WDR59: variants seen among roughly 807,000 people sequenced by gnomAD.
WDR59 encodes GATOR2 complex protein WDR59.
WDR59 carries 100 observed loss-of-function variants against 131.2 expected under a neutral mutation model. The observed-to-expected ratio is 0.76, with a 90% CI of 0.65 to 0.90. The LOEUF (loss-of-function observed/expected upper bound fraction) is 0.90. Ranked by LOEUF, WDR59 falls within the 40% of genes least tolerant of loss-of-function variation. WDR59 has a pLI of 0.00. For synonymous variants in WDR59, 601 were observed against 466.2 expected (o/e 1.29, Z -3.72); for missense variants, 1,203 against 1,262.2 (o/e 0.95, Z 0.71).
intron 18 of WDR59, among the ~76,000 whole-genome samples, chr16:74,896,246 T>C (rs946460480): frequency 2.0e-5 from 3 of 152,208 alleles, no homozygotes; most frequent in African/African-American, 7.2e-5. Flanking sequence ...ACTTAAACAA[T>C]TGAGCAATTC....
chr16:74,938,116 C>T lies in WDR59; in HGVS notation c.651+34G>A, dbSNP rs761884666. ...ATACATCCCTGATGCCACCCAAACA[C>T]TGCTCCTCCAACTTCCCCATGGGTG... On this transcript the variant is annotated intron_variant, in intron 8 of 25. Transcript: ENST00000262144. 5 of 1,415,670 alleles carry T rather than the reference C, an allele frequency of 3.5e-6. No individual in the cohort carries two copies. The South Asian group carries it at 7.4e-5, about 21-fold the overall frequency. 87.7% of individuals were successfully genotyped at this position (1,415,670 alleles called of 1,614,324 possible). A position where few individuals can be genotyped will look rare whatever the true frequency, so the allele number is the denominator to read the frequency against.
chr16:74,953,488 A>C (rs2033120304), intron 3 of WDR59, among the ~76,000 whole-genome samples: 1 of 151,846 alleles, frequency 6.6e-6, no homozygotes, highest in South Asian at 2.1e-4. Context: ...AAAAAAAAAA[A>C]AGTTGCCTTC....
intron 24 of WDR59, 77 bp from the exon 25 acceptor site, chr16:74,885,872 C>A: frequency 6.5e-7 from 1 of 1,541,546 alleles, no homozygotes; most frequent in South Asian, 1.3e-5. Flanking sequence ...ACTTAATATA[C>A]CCTTCTTAAA....
At chr16:74,963,634 G>A (rs999981236) in intron 2 of WDR59, among the ~76,000 whole-genome samples, 4 of 152,178 alleles carry the variant, frequency 2.6e-5, no homozygotes, top group African/African-American at 7.2e-5. Context: ...GCTAATGCAT[G>A]TGGGGCTTAA....
chr16:74,902,105 G>T (rs1406684894), intron 18 of WDR59, among the ~76,000 whole-genome samples: 4 of 152,158 alleles, frequency 2.6e-5, no homozygotes, highest in African/African-American at 4.8e-5. Flanking sequence ...CTTGACCTGT[G>T]TGATTATTAA....
rs1311956352 is a variant in WDR59, at chr16:74,874,346, C to A, written c.2788G>T (p.Ala930Ser). The A allele has an allele frequency of 6.2e-7, 1 of 1,614,162 alleles. No homozygotes were observed. ...CAGAAATTGGACGATCCCCGCACAG[C>A]CACGTGACAGATGGCACACTGGAAC... The part of the protein sequence containing the change: ...FTFQCAICHV[A>S]VRGSSNFCLT... The change falls in exon 26 of 26, where the codon GCT becomes TCT. Residue 930 changes from alanine to serine, a missense_variant. Ala to Ser is a moderately conservative substitution (Grantham distance 99). Coordinates refer to ENST00000262144, the MANE Select transcript of WDR59 (RefSeq NM_030581.4).
At chr16:74,939,509 TAC>T (rs1264602226) in intron 7 of WDR59, among the ~76,000 whole-genome samples, 3 of 151,410 alleles carry the variant, frequency 2.0e-5, no homozygotes, top group Admixed American at 6.6e-5. Flanking sequence ...AAAAAAAGTG[TAC>T]ACAACTACGT....
At chr16:74,918,086 A>ATTCATCCATCCAT in intron 10 of WDR59, 78 bp from the exon 11 acceptor site, 1 of 1,396,014 alleles carries the variant, frequency 7.2e-7, no homozygotes, top group South Asian at 1.2e-5. Context: ...ATGGAGTGAG[A>ATTCATCCATCCAT]TTCATCCATC....
intron 10 of WDR59, among the ~76,000 whole-genome samples, chr16:74,918,947 ATTC>A (rs1966522179): frequency 6.6e-6 from 1 of 152,198 alleles, no homozygotes; most frequent in South Asian, 2.1e-4. Context: ...GACAGCAACT[ATTC>A]TGAACCACGG....
intron 3 of WDR59, among the ~76,000 whole-genome samples, 188 bp from the exon 4 acceptor site, chr16:74,951,731 A>G (rs1339681878): frequency 6.6e-6 from 1 of 152,220 alleles, no homozygotes; most frequent in East Asian, 1.9e-4. Context: ...ACTTCAGCTC[A>G]GTATGTAGGT....
At chr16:74,978,255 G>GCTTGA in intron 1 of WDR59, among the ~76,000 whole-genome samples, 1 of 149,898 alleles carries the variant, frequency 6.7e-6, no homozygotes, top group South Asian at 2.1e-4. Context: ...TCAGGAGGCA[G>GCTTGA]AGGTTACGGT....
intron 2 of WDR59, among the ~76,000 whole-genome samples, chr16:74,964,488 G>A (rs2033686302): frequency 1.3e-5 from 2 of 152,044 alleles, no homozygotes; most frequent in Admixed American, 6.6e-5. Flanking sequence ...TTTTCTCCAG[G>A]GAGGTGGTCA....
In WDR59 at chr16:74,887,717, T is replaced by C. The variant is rs369043615; in HGVS notation, c.2385A>G (p.Ser795=). ...FTSSGSCSSM[S]DPGLNTGGWN... Reference sequence around the variant, plus strand: ...AGCCGCCAGTGTTGAGCCCTGGGTCTGACATACTGGAGCAGGAACCAGAAG... The same window carrying C: ...AGCCGCCAGTGTTGAGCCCTGGGTCCGACATACTGGAGCAGGAACCAGAAG... Residue 795 remains serine, a synonymous_variant, in exon 23 of 26, where the codon TCA becomes TCG. Transcript: ENST00000262144. 1.1e-4 allele frequency: 171 copies of C among 1,614,122 alleles called. No homozygotes were observed. Among genetic ancestry groups the C allele is most frequent in the South Asian group, 7.1e-4 (65 of 91,082 alleles).
chr16:74,935,026 T>G (rs2031689993), intron 8 of WDR59, among the ~76,000 whole-genome samples: 1 of 151,980 alleles, frequency 6.6e-6, no homozygotes, highest in South Asian at 2.1e-4. Context: ...GTCAGGAGTT[T>G]GAAACCAGCC....
At chr16:74,984,400 G>T (rs1291735768) in intron 1 of WDR59, among the ~76,000 whole-genome samples, 5 of 152,148 alleles carry the variant, frequency 3.3e-5, no homozygotes, top group Non-Finnish European at 5.9e-5. Context: ...GTGATGACAG[G>T]GTAGGGGCTG....
rs751168297 is a variant in WDR59, at chr16:74,956,633, T to C, written c.105-23A>G. On this transcript the variant is annotated intron_variant, in intron 2 of 25. Coordinates refer to ENST00000262144, the MANE Select transcript of WDR59 (RefSeq NM_030581.4). Reference sequence around the variant, plus strand: ...CGGCTAGAGACCAACATCAACATTATAATAGTATAAAAACACAACATCATT... The same window carrying C: ...CGGCTAGAGACCAACATCAACATTACAATAGTATAAAAACACAACATCATT... 1.1e-5 allele frequency: 17 copies of C among 1,609,184 alleles called. No homozygotes were observed. In the African/African-American group the frequency reaches 2.0e-4, roughly 19 times the overall value.
chr16:74,949,833 G>C, intron 4 of WDR59, 35 bp from the exon 5 acceptor site: 1 of 1,607,786 alleles, frequency 6.2e-7, no homozygotes, highest in Non-Finnish European at 8.5e-7. Context: ...CAAAGAAAAG[G>C]AAAAAAATTC....
intron 10 of WDR59, among the ~76,000 whole-genome samples, chr16:74,919,132 G>T (rs907765767): frequency 1.3e-5 from 2 of 151,982 alleles, no homozygotes; most frequent in African/African-American, 4.8e-5. Context: ...GGTCCCAAGG[G>T]GCCCTTTGCT....
Position 74,877,247 on chromosome 16 carries a change from C to G in WDR59, c.2690-2803G>C, listed in dbSNP as rs374291293. Among the ~76,000 whole-genome samples, 6 of 152,076 alleles carry G rather than the reference C, an allele frequency of 3.9e-5. No homozygotes were observed. In the East Asian group the frequency reaches 5.8e-4, roughly 15 times the overall value. ...TTGTGTATATCTCAAAACACACACA[C>G]ACACACAAACACACAAAGGTATCTT... On this transcript the variant is annotated intron_variant, in intron 25 of 25. Transcript: ENST00000262144.
Sources: allele counts gnomAD v4.1 joint callset (sites outside exome capture counted in the v4.1 genomes callset), GRCh38; gene constraint gnomAD v4.1.1; transcripts MANE v1.5; gene names NCBI Gene and HGNC (gene_info 2026-07-23, HGNC 2026-07-21).